Variants in CAMK4 observed in about 807,000 individuals in gnomAD.
CAMK4 encodes calcium/calmodulin dependent protein kinase IV.
CAMK4 carries 22 observed loss-of-function variants against 44.9 expected under a neutral mutation model. The ratio of observed to expected loss-of-function variants is 0.49; its 90% CI spans 0.35 to 0.70. CAMK4 has a LOEUF of 0.70. CAMK4 is among the 30% of genes least tolerant of loss of function. CAMK4 has a pLI of 0.01. For missense variants in CAMK4, 498 were observed against 586.8 expected, an observed-to-expected ratio of 0.85 and a Z score of 1.56; for synonymous variants, 218 against 215.4, an observed-to-expected ratio of 1.01 and a Z score of -0.11.
chr5:111,234,384 C>T (rs1473038407), intron 1 of CAMK4, among the ~76,000 whole-genome samples: 1 of 151,966 alleles, frequency 6.6e-6, no homozygotes, highest in Non-Finnish European at 1.5e-5. Flanking sequence ...TAGAAGAAAA[C>T]AGAATGAGAG....
chr5:111,431,384 C>G (rs1214488839), intron 5 of CAMK4, among the ~76,000 whole-genome samples: 2 of 152,084 alleles, frequency 1.3e-5, no homozygotes, highest in Admixed American at 6.6e-5. Flanking sequence ...AGACTTAAAC[C>G]TACAACCTCA....
At chr5:111,438,552 TA>T (rs1261384405) in intron 5 of CAMK4, among the ~76,000 whole-genome samples, 1 of 152,174 alleles carries the variant, frequency 6.6e-6, no homozygotes, top group Non-Finnish European at 1.5e-5. Flanking sequence ...AAATTTTATA[TA>T]AAAAATTTAA....
chr5:111,474,032 G>A (rs1755153740), intron 8 of CAMK4, among the ~76,000 whole-genome samples: 1 of 152,078 alleles, frequency 6.6e-6, no homozygotes, highest in South Asian at 2.1e-4. Context: ...AACTGCAGGT[G>A]GTGATGAAAA....
intron 4 of CAMK4, among the ~76,000 whole-genome samples, chr5:111,382,589 C>A (rs1252367706): frequency 6.6e-6 from 1 of 151,988 alleles, no homozygotes; most frequent in Non-Finnish European, 1.5e-5. Flanking sequence ...GTATGCAGGG[C>A]AATTTATTAA....
Position 111,423,255 on chromosome 5 carries a change from A to G in CAMK4, c.460-23431A>G, listed in dbSNP as rs562138059. On this transcript the variant is annotated intron_variant, in intron 5 of 10. Coordinates refer to ENST00000282356, the MANE Select transcript of CAMK4 (RefSeq NM_001744.6). ...AGGAGAGCACTTTCCATGGAAAATA[A>G]TGGCTTTTAAAATCTAAATAAAGAT... Among the ~76,000 whole-genome samples, 18 of 152,348 alleles carry G rather than the reference A, an allele frequency of 1.2e-4. No individual in the cohort carries two copies. In the South Asian group the frequency reaches 3.1e-3, roughly 26 times the overall value.
At chr5:111,233,216 G>T (rs942039565) in intron 1 of CAMK4, among the ~76,000 whole-genome samples, 5 of 152,188 alleles carry the variant, frequency 3.3e-5, no homozygotes, top group Non-Finnish European at 7.3e-5. Context: ...AGGTTAAAAT[G>T]ATATCAAATC....
At chr5:111,480,789 A>G (rs1043009046) in intron 9 of CAMK4, among the ~76,000 whole-genome samples, 1 of 152,130 alleles carries the variant, frequency 6.6e-6, no homozygotes, top group African/African-American at 2.4e-5. Flanking sequence ...TAACTTAATA[A>G]TAGTAATCTT....
At chr5:111,283,997 T>C (rs189834380) in intron 1 of CAMK4, among the ~76,000 whole-genome samples, 78 of 152,334 alleles carry the variant, frequency 5.1e-4, no homozygotes, top group Non-Finnish European at 9.8e-4. Flanking sequence ...TTTGTGAGGC[T>C]TTCATAAAAT....
At chr5:111,241,633 A>C (rs1303017995) in intron 1 of CAMK4, among the ~76,000 whole-genome samples, 1 of 152,238 alleles carries the variant, frequency 6.6e-6, no homozygotes, top group Non-Finnish European at 1.5e-5. Context: ...GAATATCTAC[A>C]TAAATTGCTT....
At chr5:111,356,606 A>G (rs895598079) in intron 2 of CAMK4, among the ~76,000 whole-genome samples, 43 of 152,342 alleles carry the variant, frequency 2.8e-4, no homozygotes, top group African/African-American at 9.4e-4. Flanking sequence ...GGTATTGCCT[A>G]GGTTTTCTTC....
At chr5:111,274,739 C>T (rs112194098) in intron 1 of CAMK4, among the ~76,000 whole-genome samples, 10 of 152,092 alleles carry the variant, frequency 6.6e-5, no homozygotes, top group Non-Finnish European at 8.8e-5. Flanking sequence ...GCTAACATTA[C>T]ATGTGAAATA....
intron 5 of CAMK4, among the ~76,000 whole-genome samples, chr5:111,409,987 C>A (rs1362543731): frequency 6.6e-6 from 1 of 152,072 alleles, no homozygotes; most frequent in Non-Finnish European, 1.5e-5. Context: ...CCCTCCAAGT[C>A]CCTAGGAAGT....
At chr5:111,354,895 G>A (rs1750270133) in intron 2 of CAMK4, among the ~76,000 whole-genome samples, 1 of 152,036 alleles carries the variant, frequency 6.6e-6, no homozygotes, top group Non-Finnish European at 1.5e-5. Flanking sequence ...GTCTTTTTCT[G>A]CCTAAACTTT....
intron 1 of CAMK4, among the ~76,000 whole-genome samples, chr5:111,244,737 T>C (rs1749156906): frequency 1.3e-5 from 2 of 152,120 alleles, no homozygotes; most frequent in Admixed American, 6.5e-5. Flanking sequence ...GGTGCGTGCC[T>C]GTAGTCCCAG....
chr5:111,258,190 T>C (rs542370619), intron 1 of CAMK4, among the ~76,000 whole-genome samples: 28 of 152,338 alleles, frequency 1.8e-4, no homozygotes, highest in Middle Eastern at 3.4e-3. Context: ...CATGGCTTTA[T>C]TGGACATTCC....
intron 5 of CAMK4, among the ~76,000 whole-genome samples, chr5:111,426,732 G>T (rs1722015042): frequency 6.6e-6 from 1 of 152,336 alleles, no homozygotes; most frequent in East Asian, 1.9e-4. Flanking sequence ...ACTGAACTCA[G>T]TGCTGTCCTG....
chr5:111,482,710 G>A lies in CAMK4; in HGVS notation c.829-75G>A. ...ACTGCTGGGAAATGGAATAAGATCT[G>A]GAAGTTTGTAAGCTGAGGGCAAGCC... is the stretch of plus-strand genomic sequence containing the variant. On this transcript the variant is annotated intron_variant, in intron 9 of 10. Transcript: ENST00000282356. This position sits in a 1 kb window ranked among gnomAD's most constrained non-coding sequence, Gnocchi z 4.9. 8.2e-7 allele frequency: 1 copy of A among 1,218,816 alleles called. No individual in the cohort carries two copies. Among genetic ancestry groups the A allele is most frequent in the South Asian group, 1.5e-5 (1 of 67,602 alleles). 75.5% of individuals were successfully genotyped at this position (1,218,816 alleles called of 1,614,324 possible).
intron 2 of CAMK4, among the ~76,000 whole-genome samples, chr5:111,349,137 C>T (rs1352274930): frequency 6.6e-6 from 1 of 151,956 alleles, no homozygotes; most frequent in East Asian, 1.9e-4. Flanking sequence ...GATTCTTGTA[C>T]TGAAGAAGTC....
intron 1 of CAMK4, among the ~76,000 whole-genome samples, chr5:111,238,009 A>G (rs1177509603): frequency 6.6e-6 from 1 of 152,178 alleles, no homozygotes; most frequent in Non-Finnish European, 1.5e-5. Context: ...GGAAATGTGT[A>G]CCTTCCCATC....
Sources: allele counts gnomAD v4.1 joint callset (sites outside exome capture counted in the v4.1 genomes callset), GRCh38; gene constraint gnomAD v4.1.1; non-coding constraint Gnocchi (gnomAD v3.1); transcripts MANE v1.5; gene names NCBI Gene and HGNC (gene_info 2026-07-23, HGNC 2026-07-21).